SRPK2: variants seen among roughly 807,000 people sequenced by gnomAD.
The protein encoded by SRPK2 is SFRS protein kinase 2.
A neutral mutation model predicts 90.8 loss-of-function variants in SRPK2; 21 were observed. That is an observed-to-expected ratio of 0.23 (90% confidence interval 0.16 to 0.33). The LOEUF (loss-of-function observed/expected upper bound fraction) is 0.33. Among genes scored for constraint, SRPK2 ranks in the 10% least tolerant of loss-of-function variants. The pLI, the probability that SRPK2 is intolerant of heterozygous loss-of-function variation, is 1.00. For synonymous variants in SRPK2, 288 were observed against 311.1 expected (o/e 0.93, Z 0.78); for missense variants, 620 against 869.0 (o/e 0.71, Z 3.60).
intron 2 of SRPK2, among the ~76,000 whole-genome samples, chr7:105,372,416 A>C (rs1819809045): frequency 6.6e-6 from 1 of 152,206 alleles, no homozygotes; most frequent in Non-Finnish European, 1.5e-5. Context: ...ATTGTCATAA[A>C]ATTTAATCTT....
chr7:105,219,149 T>C (rs1224537406), intron 2 of SRPK2, among the ~76,000 whole-genome samples: 5 of 152,082 alleles, frequency 3.3e-5, no homozygotes, highest in Non-Finnish European at 7.4e-5. Context: ...GGTCGGCGCA[T>C]ACTTCCCACA....
intron 3 of SRPK2, among the ~76,000 whole-genome samples, chr7:105,170,415 G>A (rs570397229): frequency 1.3e-5 from 2 of 151,926 alleles, no homozygotes; most frequent in African/African-American, 2.4e-5. Context: ...AAATGAGGCC[G>A]GGCACGGTGG....
intron 2 of SRPK2, among the ~76,000 whole-genome samples, chr7:105,282,511 A>G (rs1194836321): frequency 1.3e-5 from 2 of 152,232 alleles, no homozygotes; most frequent in South Asian, 2.1e-4. Flanking sequence ...ATTAAAAGAC[A>G]TTATCAAAGG....
chr7:105,225,692 A>T (rs1585244052), intron 2 of SRPK2, among the ~76,000 whole-genome samples: 1 of 152,248 alleles, frequency 6.6e-6, no homozygotes, highest in East Asian at 1.9e-4. Flanking sequence ...TCTAAAAAAC[A>T]AGCATTCTTA....
At chr7:105,248,427 C>CA (rs1171964668) in intron 2 of SRPK2, among the ~76,000 whole-genome samples, 1 of 76,636 alleles carries the variant, frequency 1.3e-5, no homozygotes, top group East Asian at 6.9e-4. Context: ...GCCATCTTTA[C>CA]AAAAAATTTA....
chr7:105,389,774 G>A (rs905277045), upstream of SRPK2, among the ~76,000 whole-genome samples: 1 of 152,134 alleles, frequency 6.6e-6, no homozygotes, highest in Middle Eastern at 3.2e-3. Flanking sequence ...AGTTGATAGT[G>A]ACACAAAAAG....
intron 2 of SRPK2, among the ~76,000 whole-genome samples, chr7:105,256,029 T>A (rs779300403): frequency 6.6e-6 from 1 of 152,206 alleles, no homozygotes; most frequent in Non-Finnish European, 1.5e-5. Flanking sequence ...TGTACTGTTA[T>A]TTTAGTATGG....
At chr7:105,154,716 C>G (rs1204348604) in intron 7 of SRPK2, among the ~76,000 whole-genome samples, 1 of 152,170 alleles carries the variant, frequency 6.6e-6, no homozygotes, top group African/African-American at 2.4e-5. Context: ...GTCTGTCACC[C>G]AGGCTGAAGA....
Position 105,278,680 on chromosome 7 carries a change from C to G in SRPK2, c.72-74895G>C, listed in dbSNP as rs562724829. On this transcript the variant is annotated intron_variant, in intron 2 of 15. Transcript: ENST00000393651. Reference sequence around the variant, plus strand: ...CAGCCTGGGCGACAGAGCCAGACTCCGTGAAGAAGGAAAGAAAAAGAAGAA... The same window carrying G: ...CAGCCTGGGCGACAGAGCCAGACTCGGTGAAGAAGGAAAGAAAAAGAAGAA... Among the ~76,000 whole-genome samples, 480 of 146,824 alleles carry G rather than the reference C, an allele frequency of 3.3e-3. 1 individual carries two copies. Among genetic ancestry groups the G allele is most frequent in the African/African-American group, 0.012 (456 of 39,602 alleles).
intron 7 of SRPK2, among the ~76,000 whole-genome samples, chr7:105,159,464 A>AAAAAAAAAAAAAAAAAAAAAAAAAACAC (rs1807168874): frequency 7.1e-6 from 1 of 141,598 alleles, no homozygotes; most frequent in African/African-American, 2.9e-5. Context: ...AAAAAAAAAA[A>AAAAAAAAAAAAAAAAAAAAAAAAAACAC]AAAAAAAAAC....
chr7:105,280,934 G>A (rs1401046124), intron 2 of SRPK2, among the ~76,000 whole-genome samples: 4 of 97,888 alleles, frequency 4.1e-5, no homozygotes, highest in South Asian at 4.1e-4. Context: ...GCGACAGAGC[G>A]AAGACTCCAT....
intron 2 of SRPK2, among the ~76,000 whole-genome samples, chr7:105,359,129 CA>C: frequency 7.3e-6 from 1 of 136,218 alleles, no homozygotes; most frequent in African/African-American, 2.7e-5. Context: ...AGAGGTCAAA[CA>C]AACCATATCC....
chr7:105,278,455 C>T (rs1806809248), intron 2 of SRPK2, among the ~76,000 whole-genome samples: 1 of 151,056 alleles, frequency 6.6e-6, no homozygotes, highest in Admixed American at 6.6e-5. Context: ...TGGTGGATGA[C>T]CTGAGGTCCG....
rs529353393 is a variant in SRPK2, at chr7:105,126,638, C to T, written c.1823-298G>A. On this transcript the variant is annotated intron_variant, in intron 14 of 15. Transcript: ENST00000393651. ...CAGAATTCCTGGGTTTTCAACTCAGCTCCCAAACAGGACAGAGAAATGGGC... is the reference window on the plus strand; with the variant it reads ...CAGAATTCCTGGGTTTTCAACTCAGTTCCCAAACAGGACAGAGAAATGGGC... Among the ~76,000 whole-genome samples, 5 of 152,294 alleles carry T rather than the reference C, an allele frequency of 3.3e-5. No homozygotes were observed. In the East Asian group the frequency reaches 9.7e-4, roughly 29 times the overall value.
At chr7:105,139,941 G>A (rs1584924334) in intron 11 of SRPK2, among the ~76,000 whole-genome samples, 1 of 151,902 alleles carries the variant, frequency 6.6e-6, no homozygotes, top group Non-Finnish European at 1.5e-5. Context: ...AGGACATCCT[G>A]AGGATACCAA....
chr7:105,235,383 C>G (rs967994897), intron 2 of SRPK2, among the ~76,000 whole-genome samples: 3 of 152,156 alleles, frequency 2.0e-5, no homozygotes, highest in Non-Finnish European at 2.9e-5. Flanking sequence ...CATCATTGTA[C>G]TCATCAGTAA....
rs1803939037 is a variant in SRPK2 at position 105,142,492 on chromosome 7, T to TAA, written c.1061-3_1061-2insTT. On this transcript the variant is annotated splice_region_variant and splice_polypyrimidine_tract_variant and intron_variant, in intron 10 of 15. Coordinates refer to ENST00000393651, the MANE Select transcript of SRPK2 (RefSeq NM_182692.3). ...TCTCTTCCTGGTCCTCAGCTTCACC[T>TAA]TAAGAATTTGATGGGTCAAGAATTA... The TAA allele has an allele frequency of 6.2e-7, 1 of 1,600,804 alleles. No individual in the cohort carries two copies. Among genetic ancestry groups the TAA allele is most frequent in the Non-Finnish European group, 8.5e-7 (1 of 1,175,280 alleles).
intron 2 of SRPK2, among the ~76,000 whole-genome samples, chr7:105,325,910 G>A (rs1028714164): frequency 1.3e-5 from 2 of 152,176 alleles, no homozygotes; most frequent in African/African-American, 2.4e-5. Flanking sequence ...GTGGGACTAC[G>A]ACTGAAGGCT....
chr7:105,311,121 A>G (rs1030332075), intron 2 of SRPK2, among the ~76,000 whole-genome samples: 2 of 150,440 alleles, frequency 1.3e-5, no homozygotes, highest in African/African-American at 4.9e-5. Flanking sequence ...CTACAGAATG[A>G]AAAAAAATAT....
Sources: allele counts gnomAD v4.1 joint callset (sites outside exome capture counted in the v4.1 genomes callset), GRCh38; gene constraint gnomAD v4.1.1; transcripts MANE v1.5; gene names NCBI Gene and HGNC (gene_info 2026-07-23, HGNC 2026-07-21).